Variants in LPAR6 observed in about 807,000 individuals in gnomAD.
The protein encoded by LPAR6 is lysophosphatidic acid receptor 6, also known as G-protein coupled purinergic receptor P2Y5.
In LPAR6, 17 loss-of-function variants were observed where a neutral mutation model predicts 22.0. That is an observed-to-expected ratio of 0.77 (90% CI 0.53 to 1.16). The LOEUF is 1.16. LPAR6 is among the 50% of genes most tolerant of loss of function. The pLI, the probability that LPAR6 is intolerant of heterozygous loss-of-function variation, is 0.00. For synonymous variants in LPAR6, 136 were observed against 139.8 expected, an observed-to-expected ratio of 0.97 and a Z score of 0.19; for missense variants, 384 against 406.9, an observed-to-expected ratio of 0.94 and a Z score of 0.48.
At chr13:48,405,220 C>T (rs574693374) in intron 1 of LPAR6, among the ~76,000 whole-genome samples, 1 of 152,232 alleles carries the variant, frequency 6.6e-6, no homozygotes, top group African/African-American at 2.4e-5. Context: ...ATAAAGAATG[C>T]CTTCAACAAC....
At chr13:48,430,256 T>C (rs1949115617), upstream of LPAR6, among the ~76,000 whole-genome samples, 1 of 152,086 alleles carries the variant, frequency 6.6e-6, no homozygotes, top group Non-Finnish European at 1.5e-5. Flanking sequence ...TTCAAATCAG[T>C]GGAGAAAATT....
At chr13:48,423,136 A>G (rs12870136) in intron 1 of LPAR6, among the ~76,000 whole-genome samples, 3,828 of 152,326 alleles carry the variant, frequency 0.025, 72 homozygotes, top group Non-Finnish European at 0.041. Context: ...TCTCAAATAA[A>G]TAAGTAAATA....
chr13:48,409,736 A>G (rs1477527714), downstream of LPAR6, among the ~76,000 whole-genome samples: 2 of 151,598 alleles, frequency 1.3e-5, no homozygotes, highest in African/African-American at 4.8e-5. Context: ...ATGTGCCACC[A>G]CACCCAGCTA....
At position 48,396,285 on chromosome 13, in the gene LPAR6, G is replaced by C. The variant is rs554253568; in HGVS notation, n.115-6473C>G. On this transcript the variant is annotated intron_variant and non_coding_transcript_variant, in intron 1 of 1. Coordinates refer to the LPAR6 transcript ENST00000462781. ...CAATAATCAAAACAGCATGGTACTG[G>C]TACCAAAAAAGATAAATAAACCAAC... Among the ~76,000 whole-genome samples, 8 of 152,146 alleles carry C rather than the reference G, an allele frequency of 5.3e-5. No individual in the cohort carries two copies. In the South Asian group the frequency reaches 1.7e-3, roughly 32 times the overall value.
intron 1 of LPAR6, chr13:48,426,814 G>C (rs1037665611): frequency 2.6e-5 from 4 of 152,200 alleles, no homozygotes; most frequent in African/African-American, 9.7e-5. Context: ...AAATACCTGA[G>C]ACTGGGTAAT....
chr13:48,415,652 G>A (rs1593490365), upstream of LPAR6: 2 of 152,146 alleles, frequency 1.3e-5, no homozygotes, highest in South Asian at 4.1e-4. Context: ...GTTGAATTAG[G>A]CTTTTCATTA....
chr13:48,436,176 A>C (rs1365308937), intron 1 of LPAR6, among the ~76,000 whole-genome samples: 1 of 152,226 alleles, frequency 6.6e-6, no homozygotes, highest in East Asian at 1.9e-4. Context: ...ACCATCTCAT[A>C]GCTGGTTGGT....
chr13:48,394,328 T>A (rs376955709), intron 1 of LPAR6, among the ~76,000 whole-genome samples: 19 of 152,220 alleles, frequency 1.2e-4, no homozygotes, highest in East Asian at 5.8e-4. Context: ...TGGGCAGCTG[T>A]TTGGGCAGAT....
chr13:48,390,442 A>G (rs1217135844), intron 1 of LPAR6, among the ~76,000 whole-genome samples: 1 of 152,176 alleles, frequency 6.6e-6, no homozygotes, highest in Non-Finnish European at 1.5e-5. Context: ...ACAGTGAGCA[A>G]GAGTCCAGGA....
At chr13:48,444,602 G>A (rs538206397) in exon 1 of LPAR6, 1 of 152,412 alleles carries the variant, frequency 6.6e-6, no homozygotes, top group African/African-American at 2.4e-5. Flanking sequence ...GAGATGCGTA[G>A]GGTGAGGTAT....
intron 1 of LPAR6, among the ~76,000 whole-genome samples, chr13:48,435,187 G>A (rs1196277240): frequency 6.6e-6 from 1 of 152,156 alleles, no homozygotes; most frequent in Non-Finnish European, 1.5e-5. Flanking sequence ...AGCAATATAC[G>A]AGTGAGTGAT....
intron 1 of LPAR6, among the ~76,000 whole-genome samples, chr13:48,426,116 G>T (rs1228891781): frequency 6.6e-6 from 1 of 152,094 alleles, no homozygotes; most frequent in African/African-American, 2.4e-5. Flanking sequence ...CTTACCTTGG[G>T]CAAACTCTGC....
chr13:48,432,318 A>G (rs182782545), intron 1 of LPAR6, among the ~76,000 whole-genome samples: 3 of 151,872 alleles, frequency 2.0e-5, no homozygotes, highest in Admixed American at 2.0e-4. Context: ...CTTTGGGGCA[A>G]ATAGAAATTT....
intron 1 of LPAR6, among the ~76,000 whole-genome samples, chr13:48,392,495 G>A (rs1165652767): frequency 6.6e-6 from 1 of 151,976 alleles, no homozygotes; most frequent in Non-Finnish European, 1.5e-5. Flanking sequence ...ATGTCTTCAA[G>A]TTTATTAATT....
chr13:48,400,393 A>T (rs1009563466), intron 1 of LPAR6, among the ~76,000 whole-genome samples: 2 of 152,138 alleles, frequency 1.3e-5, no homozygotes, highest in Non-Finnish European at 2.9e-5. Flanking sequence ...AACTCAGGCT[A>T]TCTGGTTCCA....
At chr13:48,415,200 T>G (rs1948887590), upstream of LPAR6, among the ~76,000 whole-genome samples, 1 of 152,154 alleles carries the variant, frequency 6.6e-6, no homozygotes, top group Non-Finnish European at 1.5e-5. Flanking sequence ...ACTTGGAATA[T>G]TTTTCTACAT....
intron 1 of LPAR6, among the ~76,000 whole-genome samples, chr13:48,401,627 T>C (rs1042030062): frequency 6.6e-6 from 1 of 152,182 alleles, no homozygotes; most frequent in African/African-American, 2.4e-5. Flanking sequence ...TGGTCCTTGG[T>C]GTTGTTACTA....
chr13:48,418,517 A>G (rs1948952220), intron 2 of LPAR6, among the ~76,000 whole-genome samples: 1 of 152,206 alleles, frequency 6.6e-6, no homozygotes, highest in Non-Finnish European at 1.5e-5. Context: ...TAATGACAGG[A>G]TCAGATTCAC....
At chr13:48,443,940 C>A (rs1254574740) in intron 1 of LPAR6, among the ~76,000 whole-genome samples, 1 of 152,164 alleles carries the variant, frequency 6.6e-6, no homozygotes, top group African/African-American at 2.4e-5. Context: ...CTTCTGCTCT[C>A]ATACCACCAC....
Sources: gnomAD v4.1 joint callset for allele counts (sites outside exome capture counted in the v4.1 genomes callset) on GRCh38, gnomAD v4.1.1 for gene constraint, MANE v1.5 for transcripts, NCBI Gene and HGNC (gene_info 2026-07-23, HGNC 2026-07-21) for gene names.